Variants in EPN1 observed in about 807,000 individuals in gnomAD.
The protein encoded by EPN1 is epsin-1.
Under a neutral mutation model 56.9 loss-of-function variants are expected in EPN1, and 25 were observed. The observed-to-expected ratio is 0.44, with a 90% CI of 0.32 to 0.61. The LOEUF is 0.61. Among genes scored for constraint, EPN1 ranks in the 20% least tolerant of loss-of-function variants. The pLI is 0.05. For missense variants in EPN1, 785 were observed against 823.7 expected (o/e 0.95, Z 0.58); for synonymous variants, 411 against 361.8 (o/e 1.14, Z -1.54).
At position 55,701,466 on chromosome 19, in the gene EPN1, T is replaced by A. The variant is rs1197665761; in HGVS notation, c.*6110T>A. ...CCTGTCTCCAAAAAAAAAAAAAAAA[T>A]GATACTGTTTCCTGTATTTTTTTCT... On this transcript the variant is annotated 3_prime_UTR_variant, in exon 11 of 11. Transcript: ENST00000270460. 3.3e-4 allele frequency: 48 copies of A among 147,150 alleles called. No individual in the cohort carries two copies. Among genetic ancestry groups the A allele is most frequent in the Admixed American group, 1.7e-3 (25 of 14,788 alleles). 9.1% of individuals were successfully genotyped at this position (147,150 alleles called of 1,614,324 possible).
At chr19:55,676,000 A>G (rs1407634654) in intron 1 of EPN1, among the ~76,000 whole-genome samples, 1 of 152,086 alleles carries the variant, frequency 6.6e-6, no homozygotes, top group Non-Finnish European at 1.5e-5. Flanking sequence ...GATGGTGAAG[A>G]GCCCCAGCCT....
At position 55,695,359 on chromosome 19, in the gene EPN1, C is replaced by T. The variant is rs1986858269; in HGVS notation, c.*3C>T. 1.4e-6 allele frequency: 2 copies of T among 1,464,790 alleles called. No homozygotes were observed. The highest frequency in any genetic ancestry group is 1.8e-6 in the Non-Finnish European group (2 of 1,082,710). The allele number at this position is 1,464,790 out of a possible 1,614,324, so 90.7% of individuals were successfully genotyped here. On this transcript the variant is annotated 3_prime_UTR_variant, in exon 11 of 11. Transcript: ENST00000270460. The surrounding 1 kb of genome is among the most constrained non-coding windows in gnomAD (Gnocchi z 4.4). ...ACACTAATCCCTTCCTCCTATAATC[C>T]AGGGCGGAAGGGGGCCTGGCTCCAT... is the stretch of plus-strand genomic sequence containing the variant.
chr19:55,693,981 C>G (rs529322870), intron 9 of EPN1: 1 of 151,998 alleles, frequency 6.6e-6, no homozygotes, highest in African/African-American at 2.4e-5. Context: ...TTTGGAAGCT[C>G]GAGGTGGGTG....
rs571226180 is a variant in EPN1 at position 55,685,611 on chromosome 19, C to G, written c.444C>G (p.Leu148=). ...DRLREERAHA[L]KTKEKLAQTA... ...TGCGGGAAGAGCGGGCGCACGCGCT[C>G]AAGACCAAGGAAAAGCTGGCACAGA... The change falls in exon 3 of 11, where the codon CTC becomes CTG. Residue 148 remains leucine, a synonymous_variant. Coordinates refer to ENST00000270460, the MANE Select transcript of EPN1 (RefSeq NM_001130072.2). 5 of 1,602,924 alleles carry G rather than the reference C, an allele frequency of 3.1e-6. No individual in the cohort carries two copies. The highest frequency in any genetic ancestry group is 1.1e-5 in the South Asian group (1 of 89,362).
chr19:55,678,967 A>C (rs1985621548), intron 2 of EPN1, 112 bp downstream of exon 2: 1 of 695,206 alleles, frequency 1.4e-6, no homozygotes, highest in African/African-American at 1.8e-5. Context: ...GAGGAACTGG[A>C]GAAGAGTAAA....
At chr19:55,677,050 C>T in intron 1 of EPN1, 1 of 1,488,628 alleles carries the variant, frequency 6.7e-7, no homozygotes, top group Admixed American at 2.1e-5. Context: ...CTTCAGGTGC[C>T]TGGCTTTCTG....
chr19:55,682,359 G>A (rs1045135881), intron 2 of EPN1, among the ~76,000 whole-genome samples: 1 of 152,160 alleles, frequency 6.6e-6, no homozygotes, highest in African/African-American at 2.4e-5. Flanking sequence ...GGTCTTTTGT[G>A]TCTGGCTTCT....
rs1323034565 is a variant in EPN1, at chr19:55,706,280, C to CTTTTTTT, written c.*10926_*10927insTTTTTTT. On this transcript the variant is annotated 3_prime_UTR_variant, in exon 11 of 11. Transcript: ENST00000270460. ...TTTCTTCCTTTCTTCTCTTTTTCTTCTTCTTTTTTTTTTTTTTTTAAAAGA... is the reference window on the plus strand; with the variant it reads ...TTTCTTCCTTTCTTCTCTTTTTCTTCTTTTTTTTTCTTTTTTTTTTTTTTTTAAAAGA... The CTTTTTTT allele has an allele frequency of 0.056, 7,168 of 128,168 alleles. 286 individuals carry two copies. The highest frequency in any genetic ancestry group is 0.13 in the East Asian group (533 of 4,140). 7.9% of individuals were successfully genotyped at this position (128,168 alleles called of 1,614,324 possible).
chr19:55,695,627 C>G lies in EPN1; in HGVS notation c.*271C>G, dbSNP rs1986874301. 1 of 481,278 alleles carries G rather than the reference C, an allele frequency of 2.1e-6. No individual in the cohort carries two copies. Among genetic ancestry groups the G allele is most frequent in the Admixed American group, 3.8e-5 (1 of 26,560 alleles). The allele number at this position is 481,278 out of a possible 1,614,324, so 29.8% of individuals were successfully genotyped here. A position where few individuals can be genotyped will look rare whatever the true frequency, so the allele number is the denominator to read the frequency against. Reference sequence around the variant, plus strand: ...GGTGGCTGGGGCCCCCACCCATTCCCCCTCCCTCCAAACTCCCAACCCCCA... The same window carrying G: ...GGTGGCTGGGGCCCCCACCCATTCCGCCTCCCTCCAAACTCCCAACCCCCA... On this transcript the variant is annotated 3_prime_UTR_variant, in exon 11 of 11. Transcript: ENST00000270460. This position sits in a 1 kb window ranked among gnomAD's most constrained non-coding sequence, Gnocchi z 4.4.
chr19:55,692,980 G>A lies in EPN1; in HGVS notation c.1207G>A (p.Glu403Lys), dbSNP rs1182134396. ...AAGGFDTEPD[E>K]FSDFDRLRTA... ...CGGGGGATTCGACACGGAGCCCGAC[G>A]AGTTCTCTGACTTTGACCGACTCCG... is the stretch of plus-strand genomic sequence containing the variant. The change falls in exon 9 of 11, where the codon GAG (glutamate) becomes AAG (lysine). Residue 403 changes from glutamate (E) to lysine (K), a missense_variant. By Grantham distance (56) the Glu-to-Lys change is moderately conservative (BLOSUM62 1). This residue lies in a region of EPN1 where 650 missense variants were observed against 605.0 expected (regional missense o/e 1.07). Coordinates refer to ENST00000270460, the MANE Select transcript of EPN1 (RefSeq NM_001130072.2). The A allele has an allele frequency of 1.5e-5, 24 of 1,613,388 alleles. No individual in the cohort carries two copies. The East Asian group carries it at 1.6e-4, about 10-fold the overall frequency.
intron 2 of EPN1, among the ~76,000 whole-genome samples, chr19:55,682,754 G>A (rs1050692627): frequency 6.6e-6 from 1 of 150,996 alleles, no homozygotes; most frequent in Non-Finnish European, 1.5e-5. Flanking sequence ...TTTAATTATT[G>A]TTTCTTATTT....
Position 55,692,945 on chromosome 19 carries a change from C to T in EPN1, c.1178-6C>T. ...AGGGGCTGAGCAGAACATCCTGACCCCACAGCAGCCGGGGGATTCGACACG... is the reference window on the plus strand; with the variant it reads ...AGGGGCTGAGCAGAACATCCTGACCTCACAGCAGCCGGGGGATTCGACACG... On this transcript the variant is annotated splice_region_variant and splice_polypyrimidine_tract_variant and intron_variant, in intron 8 of 10. Coordinates refer to ENST00000270460, the MANE Select transcript of EPN1 (RefSeq NM_001130072.2). 6.2e-7 allele frequency: 1 copy of T among 1,613,390 alleles called. No individual in the cohort carries two copies. Among genetic ancestry groups the T allele is most frequent in the African/African-American group, 1.3e-5 (1 of 75,048 alleles).
rs969362357 is a variant in EPN1 at position 55,702,758 on chromosome 19, C to T, written c.*7402C>T. 2.0e-5 allele frequency: 3 copies of T among 151,842 alleles called. No individual in the cohort carries two copies. Among genetic ancestry groups the T allele is most frequent in the South Asian group, 2.1e-4 (1 of 4,812 alleles). The allele number at this position is 151,842 out of a possible 1,614,324, so 9.4% of individuals were successfully genotyped here. On this transcript the variant is annotated 3_prime_UTR_variant, in exon 11 of 11. Coordinates refer to ENST00000270460, the MANE Select transcript of EPN1 (RefSeq NM_001130072.2). ...GGTAGAATGGGTGAATGCATTTATTCGTTCATCTAAGCCGCATTTACTCCT... is the reference window on the plus strand; with the variant it reads ...GGTAGAATGGGTGAATGCATTTATTTGTTCATCTAAGCCGCATTTACTCCT...
At chr19:55,679,640 C>T (rs913443776) in intron 2 of EPN1, among the ~76,000 whole-genome samples, 14 of 152,326 alleles carry the variant, frequency 9.2e-5, no homozygotes, top group African/African-American at 3.4e-4. Flanking sequence ...CCTGTCCTTG[C>T]TGATCTTTGA....
Position 55,708,791 on chromosome 19 carries a change from G to A in EPN1, c.*13435G>A, listed in dbSNP as rs1395409181. The A allele has an allele frequency of 3.1e-6, 2 of 640,858 alleles. No homozygotes were observed. Among genetic ancestry groups the A allele is most frequent in the East Asian group, 3.0e-5 (1 of 33,400 alleles). The allele number at this position is 640,858 out of a possible 1,614,324, so 39.7% of individuals were successfully genotyped here. On this transcript the variant is annotated 3_prime_UTR_variant, in exon 11 of 11. Transcript: ENST00000270460. ...ATCATATTGCTAGAACACTTAGGGA[G>A]TACCTCTGAAATCACAGCCCTGCTG...
At position 55,692,585 on chromosome 19, in the gene EPN1, G is replaced by T. The variant is rs957287119; in HGVS notation, c.1067-101G>T. 6 of 746,618 alleles carry T rather than the reference G, an allele frequency of 8.0e-6. No individual in the cohort carries two copies. The African/African-American group carries it at 9.0e-5, about 11-fold the overall frequency. 46.2% of individuals were successfully genotyped at this position (746,618 alleles called of 1,614,324 possible). ...GGGGTGGGTTTCTGGGGGGCAGGGG[G>T]GCTTTTGTGTGAACAGCCACAGATT... On this transcript the variant is annotated intron_variant, in intron 7 of 10. Transcript: ENST00000270460.
rs551100786 is a variant in EPN1, at chr19:55,695,203, G to A, written c.1578G>A (p.Ala526=). ...VTNPFQPAPP[A]TLTLNQLRLS... Reference sequence around the variant, plus strand: ...ACCCCTTCCAGCCCGCGCCTCCCGCGACGCTCACCCTGAACCAGCTCCGTC... The same window carrying A: ...ACCCCTTCCAGCCCGCGCCTCCCGCAACGCTCACCCTGAACCAGCTCCGTC... The change falls in exon 11 of 11, where the codon GCG becomes GCA. Residue 526 remains alanine, a synonymous_variant. Transcript: ENST00000270460. The surrounding 1 kb of genome is among the most constrained non-coding windows in gnomAD (Gnocchi z 4.4). 5.6e-6 allele frequency: 9 copies of A among 1,613,542 alleles called. No individual in the cohort carries two copies. The highest frequency in any genetic ancestry group is 2.2e-5 in the South Asian group (2 of 91,070).
intron 1 of EPN1, among the ~76,000 whole-genome samples, chr19:55,677,907 C>G (rs1353723231): frequency 6.6e-6 from 1 of 152,222 alleles, no homozygotes; most frequent in Non-Finnish European, 1.5e-5. Context: ...TCTGGGCCAG[C>G]TTCTTTGCTG....
In EPN1 at chr19:55,707,793, C is replaced by T. The variant is rs1265261002; in HGVS notation, c.*12437C>T. On this transcript the variant is annotated 3_prime_UTR_variant, in exon 11 of 11. Transcript: ENST00000270460. ...GGTTCTTCTTTCCACTGGAATCCCCCACACAATGGTGTCTTTTGTCCTATG... is the reference window on the plus strand; with the variant it reads ...GGTTCTTCTTTCCACTGGAATCCCCTACACAATGGTGTCTTTTGTCCTATG... 1 of 154,486 alleles carries T rather than the reference C, an allele frequency of 6.5e-6. No individual in the cohort carries two copies. Among genetic ancestry groups the T allele is most frequent in the Non-Finnish European group, 1.5e-5 (1 of 68,248 alleles). 9.6% of individuals were successfully genotyped at this position (154,486 alleles called of 1,614,324 possible). A position where few individuals can be genotyped will look rare whatever the true frequency, so the allele number is the denominator to read the frequency against.
Sources: allele counts gnomAD v4.1 joint callset (sites outside exome capture counted in the v4.1 genomes callset), GRCh38; gene constraint gnomAD v4.1.1; regional missense constraint gnomAD v4.1.1; non-coding constraint Gnocchi (gnomAD v3.1); transcripts MANE v1.5; gene names NCBI Gene and HGNC (gene_info 2026-07-23, HGNC 2026-07-21).